The following GALNT16 variants were observed in gnomAD, a reference collection of about 807,000 sequenced individuals.
GALNT16 encodes polypeptide N-acetylgalactosaminyltransferase 16.
In GALNT16, 40 loss-of-function variants were observed where a neutral mutation model predicts 76.1. The observed-to-expected ratio is 0.53, with a 90% CI of 0.41 to 0.68. The LOEUF (loss-of-function observed/expected upper bound fraction) is 0.68, where lower values mean the gene tolerates loss of function less well. Among genes scored for constraint, GALNT16 ranks in the 30% least tolerant of loss-of-function variants. The pLI is 0.00. For missense variants in GALNT16, 621 were observed against 731.9 expected (o/e 0.85, Z 1.75); for synonymous variants, 276 against 285.2 (o/e 0.97, Z 0.32).
chr14:69,312,599 C>T (rs2045043925), intron 1 of GALNT16, among the ~76,000 whole-genome samples: 1 of 152,220 alleles, frequency 6.6e-6, no homozygotes, highest in South Asian at 2.1e-4. Flanking sequence ...GTGTCGCTGG[C>T]TGAGAGGACC....
chr14:69,320,622 G>T lies in GALNT16; in HGVS notation c.178-89G>T, dbSNP rs573759713. 31 of 1,213,612 alleles carry T rather than the reference G, an allele frequency of 2.6e-5. No individual in the cohort carries two copies. In the South Asian group the frequency reaches 4.4e-4, roughly 17 times the overall value. The allele number at this position is 1,213,612 out of a possible 1,614,324, so 75.2% of individuals were successfully genotyped here. On this transcript the variant is annotated intron_variant, in intron 1 of 14. Transcript: ENST00000448469. ...CGTAAGGCACAAATGAGGCCACGTG[G>T]CTGGCTCCCGCCTGGTGTGTGCTGA...
At chr14:69,292,551 TG>T (rs2044700254) in intron 1 of GALNT16, among the ~76,000 whole-genome samples, 3 of 152,356 alleles carry the variant, frequency 2.0e-5, no homozygotes, top group Admixed American at 2.0e-4. Flanking sequence ...TCCATACCCT[TG>T]GCCAGTTTAA....
the GALNT16 span, among the ~76,000 whole-genome samples, chr14:69,374,386 T>A: frequency 1.3e-5 from 2 of 152,250 alleles, no homozygotes; most frequent in Non-Finnish European, 2.9e-5. Flanking sequence ...TTCTTGTTCA[T>A]CTTTGTTGCC....
intron 2 of GALNT16, among the ~76,000 whole-genome samples, chr14:69,322,340 A>G (rs1001548670): frequency 6.6e-6 from 1 of 152,214 alleles, no homozygotes; most frequent in Non-Finnish European, 1.5e-5. Flanking sequence ...GAGACCTTTC[A>G]TGGGCAGCCC....
At chr14:69,370,272 C>T in the GALNT16 span, among the ~76,000 whole-genome samples, 1 of 152,218 alleles carries the variant, frequency 6.6e-6, no homozygotes, top group Admixed American at 6.5e-5. Flanking sequence ...TGCCAAGCAA[C>T]CAGACAAGTC....
intron 1 of GALNT16, among the ~76,000 whole-genome samples, chr14:69,310,319 C>G (rs891565203): frequency 2.0e-5 from 3 of 151,720 alleles, no homozygotes; most frequent in Non-Finnish European, 4.4e-5. Context: ...TGATTGTTCT[C>G]TCATGTTTAA....
In GALNT16 at chr14:69,325,404, C is replaced by T. The variant is rs144793846; in HGVS notation, c.502C>T (p.Pro168Ser). The stretch of plus-strand genomic sequence containing the variant: ...TTTAGTGGATGACTTCAGCTCAGAT[C>T]GTGAGTAGTCACCTTCCTTTTTGCA... ...IILVDDFSSD[P>S]EDCLLLTRIP... The change falls in exon 4 of 15, where the codon CCG (proline) becomes TCG (serine). Residue 168 changes from proline (P) to serine (S), a missense_variant and splice_region_variant. Pro to Ser is a moderately conservative substitution (Grantham distance 74). Transcript: ENST00000448469. 1.4e-5 allele frequency: 22 copies of T among 1,564,014 alleles called. No homozygotes were observed. The African/African-American group carries it at 1.6e-4, about 12-fold the overall frequency.
chr14:69,357,249 A>T (rs2045700178), downstream of GALNT16: 1 of 152,272 alleles, frequency 6.6e-6, no homozygotes, highest in Non-Finnish European at 1.5e-5. Flanking sequence ...TCTCTCCAGA[A>T]GATGATGCTT....
chr14:69,326,829 G>A (rs1366505615), intron 5 of GALNT16, among the ~76,000 whole-genome samples: 2 of 152,178 alleles, frequency 1.3e-5, no homozygotes, highest in African/African-American at 4.8e-5. Flanking sequence ...GGGGTTTAAG[G>A]AGCTTCAGCG....
intron 12 of GALNT16, 48 bp from the exon 13 acceptor site, chr14:69,346,991 TA>T: frequency 6.2e-7 from 1 of 1,612,244 alleles, no homozygotes; most frequent in Non-Finnish European, 8.5e-7. Context: ...AGGGTGTAGG[TA>T]AGCCTTGGGG....
intron 12 of GALNT16, among the ~76,000 whole-genome samples, chr14:69,342,773 C>A (rs1379768294): frequency 6.6e-6 from 1 of 152,112 alleles, no homozygotes; most frequent in Non-Finnish European, 1.5e-5. Context: ...GCTACGATGG[C>A]CTTTTCAGTG....
chr14:69,289,411 G>T (rs898560358), intron 1 of GALNT16, among the ~76,000 whole-genome samples: 4 of 152,124 alleles, frequency 2.6e-5, no homozygotes, highest in Non-Finnish European at 5.9e-5. Flanking sequence ...AGGTCTCTGT[G>T]GTCAAAACTT....
the GALNT16 span, among the ~76,000 whole-genome samples, chr14:69,374,226 G>T: frequency 2.0e-4 from 30 of 152,126 alleles, no homozygotes; most frequent in Non-Finnish European, 7.3e-5. Flanking sequence ...GTCTAGCCTA[G>T]AGTGTGAGTA....
Position 69,261,862 on chromosome 14 carries a change from G to A in GALNT16, c.177+1395G>A, listed in dbSNP as rs1277539608. Among the ~76,000 whole-genome samples, 1 of 152,176 alleles carries A rather than the reference G, an allele frequency of 6.6e-6. No individual in the cohort carries two copies. Among genetic ancestry groups the A allele is most frequent in the Non-Finnish European group, 1.5e-5 (1 of 68,022 alleles). ...ACCAGTCTGGGTGAACTCTCTGGGG[G>A]CAAGCCTGATTAGGTGCACTGTTCC... is the stretch of plus-strand genomic sequence containing the variant. On this transcript the variant is annotated intron_variant, in intron 1 of 14. Coordinates refer to ENST00000448469, the MANE Select transcript of GALNT16 (RefSeq NM_001168368.2). This position sits in a 1 kb window ranked among gnomAD's most constrained non-coding sequence, Gnocchi z 6.4.
chr14:69,313,877 C>T (rs2045063423), intron 1 of GALNT16, among the ~76,000 whole-genome samples: 2 of 151,866 alleles, frequency 1.3e-5, no homozygotes, highest in Non-Finnish European at 2.9e-5. Flanking sequence ...ACCAGACTCG[C>T]GGTTAGCCTT....
intron 5 of GALNT16, 136 bp from the exon 6 acceptor site, chr14:69,328,314 T>C: frequency 1.1e-6 from 1 of 882,902 alleles, no homozygotes; most frequent in Non-Finnish European, 1.7e-6. Context: ...CAAGCAGAAG[T>C]ATAAAGTCAA....
At chr14:69,361,638 G>A (rs2045724443), downstream of GALNT16, among the ~76,000 whole-genome samples, 1 of 152,180 alleles carries the variant, frequency 6.6e-6, no homozygotes, top group Admixed American at 6.5e-5. Flanking sequence ...TTAGAATGGA[G>A]GTAGGATGAG....
chr14:69,264,794 T>TC, intron 1 of GALNT16, among the ~76,000 whole-genome samples: 1 of 145,716 alleles, frequency 6.9e-6, no homozygotes, highest in South Asian at 2.2e-4. Flanking sequence ...CTTTTCTTTT[T>TC]TTATTTTCTC....
At chr14:69,323,161 T>A (rs958886389) in intron 2 of GALNT16, among the ~76,000 whole-genome samples, 6 of 152,120 alleles carry the variant, frequency 3.9e-5, no homozygotes, top group Admixed American at 2.0e-4. Flanking sequence ...TGGTCCAGCC[T>A]CAATCTAGGG....
Sources: gnomAD v4.1 joint callset for allele counts (sites outside exome capture counted in the v4.1 genomes callset) on GRCh38, gnomAD v4.1.1 for gene constraint, Gnocchi (gnomAD v3.1) non-coding constraint, MANE v1.5 for transcripts, NCBI Gene and HGNC (gene_info 2026-07-23, HGNC 2026-07-21) for gene names.